SCN1A: variants seen among roughly 807,000 people sequenced by gnomAD.
SCN1A encodes sodium channel protein type 1 subunit alpha.
SCN1A carries 13 observed loss-of-function variants against 193.7 expected under a neutral mutation model. The ratio of observed to expected loss-of-function variants is 0.07; its 90% CI spans 0.04 to 0.11. The LOEUF (loss-of-function observed/expected upper bound fraction) is 0.11, where lower values mean the gene tolerates loss of function less well. SCN1A is among the 10% of genes least tolerant of loss of function. The pLI is 1.00. For synonymous variants in SCN1A, 781 were observed against 843.6 expected (o/e 0.93, Z 1.29); for missense variants, 1,432 against 2,451.1 (o/e 0.58, Z 8.78).
chr2:166,119,196 C>G (rs563672431), intron 2 of SCN1A, among the ~76,000 whole-genome samples: 17 of 152,242 alleles, frequency 1.1e-4, no homozygotes, highest in Non-Finnish European at 2.4e-4. Flanking sequence ...GTTTGGGGAC[C>G]CTTAATCTGA....
At position 165,986,077 on chromosome 2, in the gene SCN1A, A is replaced by T. The variant is rs1289788354; in HGVS notation, c.*5168T>A. Reference sequence around the variant, plus strand: ...ACCGACACCAGGTTGCCAATTTTCCACTTGGCTAAATAAAATATTAAAACC... The same window carrying T: ...ACCGACACCAGGTTGCCAATTTTCCTCTTGGCTAAATAAAATATTAAAACC... On this transcript the variant is annotated 3_prime_UTR_variant, in exon 29 of 29. Coordinates refer to ENST00000674923, the MANE Select transcript of SCN1A (RefSeq NM_001165963.4). The T allele has an allele frequency of 6.6e-6, 1 of 152,146 alleles. No individual in the cohort carries two copies. The highest frequency in any genetic ancestry group is 1.5e-5 in the Non-Finnish European group (1 of 68,020). 9.4% of individuals were successfully genotyped at this position (152,146 alleles called of 1,614,324 possible).
At chr2:165,993,177 A>AAG (rs1204461235) in intron 28 of SCN1A, 2 of 73,750 alleles carry the variant, frequency 2.7e-5, no homozygotes. Context: ...GACGAAGTGT[A>AAG]AGAGTGTGTG....
rs558568976 is a variant in SCN1A at position 165,987,005 on chromosome 2, ATAT to A, written c.*4237_*4239del. On this transcript the variant is annotated 3_prime_UTR_variant, in exon 29 of 29. Transcript: ENST00000674923. ...TCAAATTTATTCAACTTTCCCAATAATATTATTTATCTGTTATTTTTTAATTTG... is the reference window on the plus strand; with the variant it reads ...TCAAATTTATTCAACTTTCCCAATAATATTTATCTGTTATTTTTTAATTTG... 340 of 152,222 alleles carry A rather than the reference ATAT, an allele frequency of 2.2e-3. No individual in the cohort carries two copies. Among genetic ancestry groups the A allele is most frequent in the African/African-American group, 7.9e-3 (328 of 41,566 alleles). 9.4% of individuals were successfully genotyped at this position (152,222 alleles called of 1,614,324 possible).
chr2:166,051,661 G>C, intron 9 of SCN1A, 58 bp downstream of exon 9: 1 of 1,337,676 alleles, frequency 7.5e-7, no homozygotes, highest in Non-Finnish European at 1.0e-6. Context: ...TTTATCCTTT[G>C]TGTTACAAAC....
In SCN1A at chr2:166,041,483, A is replaced by AG. The variant is rs762175641; in HGVS notation, c.2177-15_2177-14insC. 5.4e-6 allele frequency: 8 copies of AG among 1,473,420 alleles called. No individual in the cohort carries two copies. The Admixed American group carries it at 7.3e-5, about 13-fold the overall frequency. The allele number at this position is 1,473,420 out of a possible 1,614,324, so 91.3% of individuals were successfully genotyped here. On this transcript the variant is annotated splice_polypyrimidine_tract_variant and intron_variant, in intron 15 of 28. Coordinates refer to ENST00000674923, the MANE Select transcript of SCN1A (RefSeq NM_001165963.4). The stretch of plus-strand genomic sequence containing the variant: ...ATTCTTCAAGTTCTAGATTAAGAAA[A>AG]AAAAAAAAAAGAACCACCAAAAGGT...
At chr2:166,039,631 G>C (rs766990108) in intron 16 of SCN1A, 35 bp from the exon 17 acceptor site, 5 of 1,566,398 alleles carry the variant, frequency 3.2e-6, no homozygotes, top group Non-Finnish European at 3.5e-6. Context: ...AATTCCACCA[G>C]ATAATAACAT....
In SCN1A at chr2:166,109,248, C is replaced by T. The variant is rs577903958; in HGVS notation, c.-142+17676G>A. 5.3e-5 allele frequency among the ~76,000 whole-genome samples: 8 copies of T among 152,220 alleles called. 1 individual carries two copies. The highest frequency in any genetic ancestry group is 1.9e-4 in the African/African-American group (8 of 41,540). On this transcript the variant is annotated intron_variant, in intron 2 of 28. Coordinates refer to ENST00000674923, the MANE Select transcript of SCN1A (RefSeq NM_001165963.4). ...ATTTAGGTTGGAATTTTGGATCCTA[C>T]TCTGACTAACTAGGTACACTACTGA... is the stretch of plus-strand genomic sequence containing the variant.
chr2:166,002,097 A>G (rs991964672), intron 24 of SCN1A, among the ~76,000 whole-genome samples: 3 of 151,620 alleles, frequency 2.0e-5, no homozygotes, highest in African/African-American at 7.3e-5. Context: ...TTGGAAGATG[A>G]TCTATCTGTT....
chr2:166,139,348 T>C (rs766033678), intron 1 of SCN1A, among the ~76,000 whole-genome samples: 4 of 152,168 alleles, frequency 2.6e-5, no homozygotes, highest in Non-Finnish European at 5.9e-5. Context: ...CCATGTGTCA[T>C]GGGAGGAACC....
intron 2 of SCN1A, among the ~76,000 whole-genome samples, chr2:166,114,529 T>C (rs962221297): frequency 2.6e-5 from 4 of 152,200 alleles, no homozygotes; most frequent in African/African-American, 9.7e-5. Context: ...GCATGGACTT[T>C]GTTGGCCTTC....
At chr2:166,067,456 C>T (rs935469267) in intron 4 of SCN1A, among the ~76,000 whole-genome samples, 4 of 148,662 alleles carry the variant, frequency 2.7e-5, no homozygotes, top group Non-Finnish European at 5.9e-5. Flanking sequence ...TATTTAGATT[C>T]CATCACTGAC....
At chr2:166,092,648 G>A (rs1686938056) in intron 2 of SCN1A, 1 of 152,152 alleles carries the variant, frequency 6.6e-6, no homozygotes, top group Non-Finnish European at 1.5e-5. Context: ...TTAAAGGCAT[G>A]AGCCACCATG....
chr2:166,145,369 A>G (rs1358299570), intron 1 of SCN1A, among the ~76,000 whole-genome samples: 2 of 152,178 alleles, frequency 1.3e-5, no homozygotes, highest in African/African-American at 4.8e-5. Context: ...TTGAAAATAC[A>G]TATATAGTCA....
chr2:166,132,379 T>G (rs75586955), upstream of SCN1A, among the ~76,000 whole-genome samples: 83 of 3,648 alleles, frequency 0.023, no homozygotes, highest in African/African-American at 0.04. Flanking sequence ...TTCCTAGTGG[T>G]TTTTTTTTTT....
At chr2:166,084,524 T>A (rs1353121545) in intron 2 of SCN1A, among the ~76,000 whole-genome samples, 1 of 152,162 alleles carries the variant, frequency 6.6e-6, no homozygotes, top group East Asian at 1.9e-4. Context: ...AATTGTCTTT[T>A]TATTGCTGTG....
At chr2:166,118,434 C>T (rs1465434520) in intron 2 of SCN1A, among the ~76,000 whole-genome samples, 1 of 146,484 alleles carries the variant, frequency 6.8e-6, no homozygotes, top group African/African-American at 2.5e-5. Context: ...GGCACTCTTG[C>T]CTTCATTTGT....
At chr2:166,082,641 C>G (rs1685656747) in intron 2 of SCN1A, among the ~76,000 whole-genome samples, 1 of 151,952 alleles carries the variant, frequency 6.6e-6, no homozygotes, top group African/African-American at 2.4e-5. Context: ...TGAACTATAC[C>G]TCCACCGTCA....
chr2:166,095,717 T>G (rs1687305042), intron 2 of SCN1A, among the ~76,000 whole-genome samples: 1 of 152,218 alleles, frequency 6.6e-6, no homozygotes, highest in Non-Finnish European at 1.5e-5. Flanking sequence ...AGAGTCTCAC[T>G]TGCCTTGATG....
At position 166,042,444 on chromosome 2, in the gene SCN1A, T is replaced by C. The variant is rs777660738; in HGVS notation, c.2044-20A>G. Reference sequence around the variant, plus strand: ...TGTTCCCTGTAAAAAAAAATGCTAATGCATTAAACAATTAATTTGAGCAAT... The same window carrying C: ...TGTTCCCTGTAAAAAAAAATGCTAACGCATTAAACAATTAATTTGAGCAAT... On this transcript the variant is annotated intron_variant, in intron 14 of 28. Coordinates refer to ENST00000674923, the MANE Select transcript of SCN1A (RefSeq NM_001165963.4). 1.9e-5 allele frequency: 31 copies of C among 1,612,060 alleles called. No homozygotes were observed. In the Admixed American group the frequency reaches 5.0e-4, roughly 26 times the overall value.
Sources: allele counts gnomAD v4.1 joint callset (sites outside exome capture counted in the v4.1 genomes callset), GRCh38; gene constraint gnomAD v4.1.1; transcripts MANE v1.5; gene names NCBI Gene and HGNC (gene_info 2026-07-23, HGNC 2026-07-21).